Variants in ZNF536 observed in about 807,000 individuals in gnomAD.
ZNF536 encodes zinc finger protein 536.
A neutral mutation model predicts 84.5 loss-of-function variants in ZNF536; 13 were observed. The ratio of observed to expected loss-of-function variants is 0.15; its 90% confidence interval spans 0.10 to 0.24. The LOEUF (loss-of-function observed/expected upper bound fraction) is 0.24, where lower values mean the gene tolerates loss of function less well. ZNF536 is among the 10% of genes least tolerant of loss of function. The probability of loss-of-function intolerance (pLI) is 1.00; values close to 1 mark genes in which losing one functional copy is unlikely to be tolerated. For missense variants in ZNF536, 1,536 were observed against 1,747.5 expected, an observed-to-expected ratio of 0.88 and a Z score of 2.16; for synonymous variants, 811 against 742.5, an observed-to-expected ratio of 1.09 and a Z score of -1.50.
intron 1 of ZNF536, among the ~76,000 whole-genome samples, chr19:30,623,989 G>A (rs546501031): frequency 2.0e-5 from 3 of 152,128 alleles, no homozygotes; most frequent in Non-Finnish European, 2.9e-5. Flanking sequence ...AATGGGCTTC[G>A]GAGTGATTCT....
intron 2 of ZNF536, among the ~76,000 whole-genome samples, chr19:30,339,898 C>T (rs1369578034): frequency 1.3e-5 from 2 of 152,148 alleles, no homozygotes; most frequent in African/African-American, 4.8e-5. Context: ...CTCCTTCTGC[C>T]CCAGATATCT....
chr19:30,579,533 C>T (rs113938880), intron 1 of ZNF536, among the ~76,000 whole-genome samples: 1 of 152,238 alleles, frequency 6.6e-6, no homozygotes, highest in Non-Finnish European at 1.5e-5. Flanking sequence ...TCCAAGAGAG[C>T]AAATGGAAAC....
At chr19:30,636,228 A>G (rs952588878) in intron 1 of ZNF536, among the ~76,000 whole-genome samples, 1 of 152,110 alleles carries the variant, frequency 6.6e-6, no homozygotes, top group Admixed American at 6.5e-5. Context: ...TTTAATGATG[A>G]GGGAAATGAG....
intron 2 of ZNF536, among the ~76,000 whole-genome samples, chr19:30,310,211 A>G (rs1292973433): frequency 6.6e-6 from 1 of 152,238 alleles, no homozygotes; most frequent in Non-Finnish European, 1.5e-5. Context: ...CCCGCGTTAT[A>G]AAAACAGAAC....
chr19:30,243,842 C>G (rs2144919983), intron 1 of ZNF536, among the ~76,000 whole-genome samples: 1 of 152,242 alleles, frequency 6.6e-6, no homozygotes, highest in South Asian at 2.1e-4. Context: ...TTTTTTGATT[C>G]TGCAGATGTA....
At chr19:30,669,735 T>G (rs2050472649) in intron 1 of ZNF536, among the ~76,000 whole-genome samples, 1 of 152,256 alleles carries the variant, frequency 6.6e-6, no homozygotes, top group South Asian at 2.1e-4. Context: ...CCAATTTTGC[T>G]GTCTCTCAGG....
chr19:30,668,844 A>C (rs1002285406), intron 1 of ZNF536, among the ~76,000 whole-genome samples: 1 of 152,154 alleles, frequency 6.6e-6, no homozygotes, highest in Non-Finnish European at 1.5e-5. Flanking sequence ...CCTGAGGACC[A>C]CCTGTGTGCC....
intron 1 of ZNF536, among the ~76,000 whole-genome samples, chr19:30,640,188 A>G (rs2049217297): frequency 6.6e-6 from 1 of 151,944 alleles, no homozygotes; most frequent in African/African-American, 2.4e-5. Context: ...CAGAGGTTGC[A>G]GTGAGCCAAG....
intron 1 of ZNF536, among the ~76,000 whole-genome samples, chr19:30,612,032 A>ACTGAAG (rs2048122644): frequency 6.6e-6 from 1 of 152,134 alleles, no homozygotes; most frequent in Non-Finnish European, 1.5e-5. Flanking sequence ...GGGTTTGCAC[A>ACTGAAG]CTGAAGTGAG....
At chr19:30,250,648 G>C (rs2024554189) in intron 1 of ZNF536, among the ~76,000 whole-genome samples, 1 of 152,128 alleles carries the variant, frequency 6.6e-6, no homozygotes. Context: ...GCTGAGCTTT[G>C]GAATCTGAGA....
In ZNF536 at chr19:30,548,581, C is replaced by T. The variant is rs2146207919; in HGVS notation, c.2962C>T (p.Pro988Ser). The part of the protein sequence containing the change: ...LSVRPDAASL[P>S]GSSVTVQDSI... ...TGTGCGGCCAGATGCCGCCTCCCTC[C>T]CGGGCTCCTCGGTAACTGTGCAGGA... The change falls in exon 4 of 5, where the codon CCG (proline) becomes TCG (serine). Residue 988 changes from proline to serine, a missense_variant. Pro to Ser is a moderately conservative substitution (Grantham distance 74). This residue lies in a region of ZNF536 where 624 missense variants were observed against 603.1 expected (regional missense o/e 1.03). Coordinates refer to ENST00000355537, the MANE Select transcript of ZNF536 (RefSeq NM_014717.3). 1.2e-6 allele frequency: 2 copies of T among 1,614,168 alleles called. No individual in the cohort carries two copies. Among genetic ancestry groups the T allele is most frequent in the Non-Finnish European group, 1.7e-6 (2 of 1,180,034 alleles).
chr19:30,274,863 T>C (rs4805537), intron 1 of ZNF536, among the ~76,000 whole-genome samples: 49,659 of 152,144 alleles, frequency 0.33, 10,102 homozygotes, highest in East Asian at 0.62. Context: ...TTCTTCAAGA[T>C]GCATTACTTC....
Position 30,477,073 on chromosome 19 carries a change from G to A in ZNF536, c.2170+31341G>A, listed in dbSNP as rs76658856. 2.9e-3 allele frequency among the ~76,000 whole-genome samples: 447 copies of A among 152,188 alleles called. 3 individuals are homozygous for A. The highest frequency in any genetic ancestry group is 0.01 in the African/African-American group (416 of 41,512). Reference sequence around the variant, plus strand: ...CAAACTACTGGGATTACAGGCATGAGCCATGGTAACTAGCCTATATTTTCT... The same window carrying A: ...CAAACTACTGGGATTACAGGCATGAACCATGGTAACTAGCCTATATTTTCT... On this transcript the variant is annotated intron_variant, in intron 2 of 4. Coordinates refer to ENST00000355537, the MANE Select transcript of ZNF536 (RefSeq NM_014717.3).
intron 2 of ZNF536, among the ~76,000 whole-genome samples, chr19:30,513,701 G>A (rs2055514220): frequency 1.3e-5 from 2 of 152,122 alleles, no homozygotes; most frequent in Admixed American, 6.5e-5. Flanking sequence ...TTGAAGGGTG[G>A]ATGGAGGATT....
At chr19:30,344,584 C>T (rs993161757) in intron 2 of ZNF536, among the ~76,000 whole-genome samples, 4 of 151,990 alleles carry the variant, frequency 2.6e-5, no homozygotes, top group African/African-American at 9.7e-5. Flanking sequence ...GCTCTTGGGT[C>T]TCCCCTGTCC....
chr19:30,321,062 C>T (rs924477932), intron 2 of ZNF536, among the ~76,000 whole-genome samples: 8 of 152,188 alleles, frequency 5.3e-5, no homozygotes, highest in South Asian at 4.1e-4. Flanking sequence ...GGGGCCCCCT[C>T]GCAGGCTCTG....
At chr19:30,573,212 G>T (rs1337862879) in intron 1 of ZNF536, among the ~76,000 whole-genome samples, 1 of 152,324 alleles carries the variant, frequency 6.6e-6, no homozygotes, top group East Asian at 1.9e-4. Flanking sequence ...AGGGCCCTGT[G>T]TGGTCAACAG....
At chr19:30,268,042 C>CGCCCCCCTCCCTTTCTCTCCCCCT (rs1568546150) in intron 1 of ZNF536, among the ~76,000 whole-genome samples, 1 of 118,296 alleles carries the variant, frequency 8.5e-6, no homozygotes, top group Non-Finnish European at 1.8e-5. Context: ...TTCCTCCCCC[C>CGCCCCCCTCCCTTTCTCTCCCCCT]GCCTCCCTCC....
intron 2 of ZNF536, among the ~76,000 whole-genome samples, chr19:30,518,628 A>G (rs900466437): frequency 1.3e-5 from 2 of 152,254 alleles, no homozygotes; most frequent in Non-Finnish European, 2.9e-5. Context: ...ATTAGTGCAG[A>G]AGGACATCTG....
Sources: gnomAD v4.1 joint callset for allele counts (sites outside exome capture counted in the v4.1 genomes callset) on GRCh38, gnomAD v4.1.1 for gene constraint, gnomAD v4.1.1 regional missense constraint, MANE v1.5 for transcripts, NCBI Gene and HGNC (gene_info 2026-07-23, HGNC 2026-07-21) for gene names.